Variants in DPP6 observed in about 807,000 individuals in gnomAD.
The protein encoded by DPP6 is dipeptidyl peptidase like 6, also known as A-type potassium channel modulatory protein DPP6.
In DPP6, 69 loss-of-function variants were observed where a neutral mutation model predicts 122.6. The ratio of observed to expected loss-of-function variants is 0.56; its 90% confidence interval spans 0.46 to 0.69. The LOEUF (loss-of-function observed/expected upper bound fraction) is 0.69, where lower values mean the gene tolerates loss of function less well. Ranked by LOEUF, DPP6 falls within the 30% of genes least tolerant of loss-of-function variation. The probability of loss-of-function intolerance (pLI) is 0.00; values close to 1 mark genes in which losing one functional copy is unlikely to be tolerated. For synonymous variants in DPP6, 418 were observed against 433.1 expected (o/e 0.97, Z 0.43); for missense variants, 928 against 1,116.9 (o/e 0.83, Z 2.41).
intron 7 of DPP6, among the ~76,000 whole-genome samples, chr7:154,696,645 T>C (rs1473648321): frequency 6.6e-6 from 1 of 152,190 alleles, no homozygotes; most frequent in Non-Finnish European, 1.5e-5. Context: ...ATGGGCTCTG[T>C]CCTGTTGGGC....
intron 1 of DPP6, among the ~76,000 whole-genome samples, chr7:153,894,793 A>C (rs1799339678): frequency 6.6e-6 from 1 of 152,194 alleles, no homozygotes; most frequent in Admixed American, 6.5e-5. Context: ...TGTGCAGCCA[A>C]GATGCAGAAC....
Position 154,755,770 on chromosome 7 carries a change from G to C in DPP6, c.884-13647G>C, listed in dbSNP as rs570633377. 6.6e-6 allele frequency among the ~76,000 whole-genome samples: 1 copy of C among 152,342 alleles called. No homozygotes were observed. Among genetic ancestry groups the C allele is most frequent in the Non-Finnish European group, 1.5e-5 (1 of 68,032 alleles). On this transcript the variant is annotated intron_variant, in intron 8 of 25. Transcript: ENST00000377770. The surrounding 1 kb of genome is among the most constrained non-coding windows in gnomAD (Gnocchi z 4.7). ...AAATCTTGATAGGAAGAAGGAAAAG[G>C]TCAGGATGTTGCCGAGCCCTTGGGT...
At chr7:154,214,036 G>A (rs1799871432) in intron 1 of DPP6, among the ~76,000 whole-genome samples, 1 of 152,218 alleles carries the variant, frequency 6.6e-6, no homozygotes, top group African/African-American at 2.4e-5. Flanking sequence ...CTAAGTAGCA[G>A]TTCTTAGGAA....
At chr7:154,190,262 C>G (rs977820352) in intron 1 of DPP6, among the ~76,000 whole-genome samples, 2 of 152,130 alleles carry the variant, frequency 1.3e-5, no homozygotes, top group African/African-American at 2.4e-5. Flanking sequence ...GATGCTGCCC[C>G]GGGGAGGTCT....
chr7:154,733,749 A>G (rs1389677273), intron 8 of DPP6, among the ~76,000 whole-genome samples: 1 of 152,180 alleles, frequency 6.6e-6, no homozygotes, highest in African/African-American at 2.4e-5. Flanking sequence ...GGATCGTGGA[A>G]TGGTTTTCAG....
intron 1 of DPP6, among the ~76,000 whole-genome samples, chr7:154,333,617 A>G (rs980781491): frequency 6.6e-6 from 1 of 152,206 alleles, no homozygotes; most frequent in Non-Finnish European, 1.5e-5. Context: ...CTTGCTGTAG[A>G]GAATATTGGT....
At chr7:154,083,152 G>A (rs1804153263) in intron 1 of DPP6, among the ~76,000 whole-genome samples, 2 of 151,854 alleles carry the variant, frequency 1.3e-5, no homozygotes, top group South Asian at 4.2e-4. Flanking sequence ...CCTGGCCTGT[G>A]CCTATCGTTT....
chr7:153,888,171 CTCGAGACCTGTTGGG>C (rs1366542855), intron 1 of DPP6, among the ~76,000 whole-genome samples: 2 of 152,172 alleles, frequency 1.3e-5, no homozygotes, highest in Non-Finnish European at 2.9e-5. Flanking sequence ...GTCCCCGGAA[CTCGAGACCTGTTGGG>C]TCTGCGGAGC....
intron 1 of DPP6, among the ~76,000 whole-genome samples, chr7:154,440,455 T>C (rs935206313): frequency 5.3e-5 from 8 of 152,204 alleles, no homozygotes; most frequent in Admixed American, 3.9e-4. Flanking sequence ...CATGCAATGC[T>C]TTATTGGACG....
At chr7:154,473,588 A>G (rs1781179992) in intron 2 of DPP6, among the ~76,000 whole-genome samples, 1 of 152,220 alleles carries the variant, frequency 6.6e-6, no homozygotes, top group Non-Finnish European at 1.5e-5. Context: ...AACCCATGCA[A>G]TGCACTGGGG....
intron 1 of DPP6, among the ~76,000 whole-genome samples, chr7:153,960,038 T>C (rs532477505): frequency 6.6e-6 from 1 of 152,332 alleles, no homozygotes; most frequent in East Asian, 1.9e-4. Flanking sequence ...GTGTTGCTTT[T>C]TGAAAAGAGT....
intron 10 of DPP6, among the ~76,000 whole-genome samples, chr7:154,793,427 G>T (rs947491909): frequency 6.6e-6 from 1 of 152,204 alleles, no homozygotes; most frequent in African/African-American, 2.4e-5. Context: ...GTAGAGAGCC[G>T]CACAGAGCCT....
chr7:154,351,212 T>A (rs534964728), intron 1 of DPP6, among the ~76,000 whole-genome samples: 1 of 152,174 alleles, frequency 6.6e-6, no homozygotes, highest in African/African-American at 2.4e-5. Flanking sequence ...AATTTGGTTT[T>A]ATTAATTTTA....
At chr7:154,696,247 C>G (rs372035863) in intron 7 of DPP6, among the ~76,000 whole-genome samples, 1 of 152,188 alleles carries the variant, frequency 6.6e-6, no homozygotes, top group Non-Finnish European at 1.5e-5. Flanking sequence ...ACCCGGGCCC[C>G]TGGGTGTGGA....
chr7:154,335,987 C>G (rs573105765), intron 1 of DPP6, among the ~76,000 whole-genome samples: 6 of 152,124 alleles, frequency 3.9e-5, no homozygotes, highest in African/African-American at 1.4e-4. Context: ...TGATCTGTAC[C>G]CCCAGATCTC....
chr7:154,184,250 A>G (rs1330507417), intron 1 of DPP6, among the ~76,000 whole-genome samples: 1 of 151,172 alleles, frequency 6.6e-6, no homozygotes, highest in Non-Finnish European at 1.5e-5. Flanking sequence ...TGCAAAGCCC[A>G]TATGAGGTAA....
chr7:154,095,104 G>A (rs1805232161), intron 1 of DPP6: 1 of 151,906 alleles, frequency 6.6e-6, no homozygotes, highest in East Asian at 1.9e-4. Context: ...GAGAATGGGG[G>A]GTTAATGTGT....
chr7:153,814,452 T>C, the DPP6 span, among the ~76,000 whole-genome samples: 2 of 152,118 alleles, frequency 1.3e-5, no homozygotes, highest in African/African-American at 2.4e-5. Flanking sequence ...GCTCTGAAAT[T>C]GTGGCAATAA....
At chr7:153,972,650 G>GGA (rs1796080497) in intron 1 of DPP6, among the ~76,000 whole-genome samples, 1 of 151,272 alleles carries the variant, frequency 6.6e-6, no homozygotes. Flanking sequence ...AAGTGCCCGT[G>GGA]GACATGTGCT....
Sources: gnomAD v4.1 joint callset for allele counts (sites outside exome capture counted in the v4.1 genomes callset) on GRCh38, gnomAD v4.1.1 for gene constraint, Gnocchi (gnomAD v3.1) non-coding constraint, MANE v1.5 for transcripts, NCBI Gene and HGNC (gene_info 2026-07-23, HGNC 2026-07-21) for gene names.